The following PHKA1 variants were observed in gnomAD, a reference collection of about 807,000 sequenced individuals.
The protein encoded by PHKA1 is phosphorylase b kinase regulatory subunit alpha, skeletal muscle isoform.
Under a neutral mutation model 110.2 loss-of-function variants are expected in PHKA1, and 60 were observed. That is an observed-to-expected ratio of 0.54 (90% CI 0.44 to 0.68). The LOEUF is 0.68. Among genes scored for constraint, PHKA1 ranks in the 30% least tolerant of loss-of-function variants. The probability of loss-of-function intolerance (pLI) is 0.00; values close to 1 mark genes in which losing one functional copy is unlikely to be tolerated. For synonymous variants in PHKA1, 316 were observed against 333.6 expected (o/e 0.95, Z 0.58); for missense variants, 801 against 942.5 (o/e 0.85, Z 1.97).
Position 72,652,534 on chromosome X carries a change from T to C in PHKA1, c.1245+10A>G, listed in dbSNP as rs1234353904. 1 of 1,037,458 alleles carries C rather than the reference T, an allele frequency of 9.6e-7. No individual in the cohort carries two copies. 85.5% of individuals were successfully genotyped at this position (1,037,458 alleles called of 1,213,427 possible). A position where few individuals can be genotyped will look rare whatever the true frequency, so the allele number is the denominator to read the frequency against. On this transcript the variant is annotated intron_variant, in intron 12 of 31. Transcript: ENST00000373542. ...GAAAAAAGTGGGACAGCCTTGAAGA[T>C]TCCTCTTACCTCTGCCATCAAGCTT... is the stretch of plus-strand genomic sequence containing the variant.
At chrX:72,668,792 C>T (rs1556307497) in intron 6 of PHKA1, among the ~76,000 whole-genome samples, 1 of 111,547 alleles carries the variant, frequency 9.0e-6, no homozygotes, top group Non-Finnish European at 1.9e-5. Flanking sequence ...ACCCCATAGC[C>T]TCAAAGTCTT....
At position 72,698,673 on chromosome X, in the gene PHKA1, C is replaced by T. The variant is rs1268589512; in HGVS notation, c.286-2797G>A. On this transcript the variant is annotated intron_variant, in intron 3 of 31. Coordinates refer to ENST00000373542, the MANE Select transcript of PHKA1 (RefSeq NM_002637.4). ...TGCATCTTGAATTTAGTAATATTAC[C>T]GTAACTTCGAATCTTGTGGCTTTAG... Among the ~76,000 whole-genome samples, 6 of 112,382 alleles carry T rather than the reference C, an allele frequency of 5.3e-5. No individual in the cohort carries two copies. In the South Asian group the frequency reaches 1.8e-3, roughly 35 times the overall value.
chrX:72,632,384 G>A (rs2053177290), intron 16 of PHKA1, among the ~76,000 whole-genome samples: 1 of 111,481 alleles, frequency 9.0e-6, no homozygotes, highest in Non-Finnish European at 1.9e-5. Flanking sequence ...TCATGTTGGT[G>A]TACTATTTAT....
chrX:72,673,018 G>A (rs1485921889), intron 6 of PHKA1, among the ~76,000 whole-genome samples: 1 of 111,766 alleles, frequency 8.9e-6, no homozygotes, highest in Non-Finnish European at 1.9e-5. Flanking sequence ...TCAGACGGAA[G>A]AAGCCTAAAG....
At chrX:72,619,483 A>G (rs1556274508) in intron 19 of PHKA1, among the ~76,000 whole-genome samples, 178 bp from the exon 20 acceptor site, 1 of 112,225 alleles carries the variant, frequency 8.9e-6, no homozygotes, top group African/African-American at 3.2e-5. Flanking sequence ...TAATTTAAAT[A>G]ATGTGCAATT....
At position 72,712,913 on chromosome X, in the gene PHKA1, C is replaced by T. The variant is rs1304574929; in HGVS notation, c.103G>A (p.Ala35Thr). The T allele has an allele frequency of 8.3e-7, 1 of 1,211,603 alleles. No homozygotes were observed. The highest frequency in any genetic ancestry group is 1.1e-6 in the Non-Finnish European group (1 of 895,426). The stretch of plus-strand genomic sequence containing the variant: ...CAAGCATCTTTCTGATCATAGCTGG[C>T]TGGAAGCAAGCCAGTCACTGGATTC... The part of the protein sequence containing the change: ...HQNPVTGLLP[A>T]SYDQKDAWVR... The change falls in exon 2 of 32, where the codon GCC (alanine) becomes ACC (threonine). Residue 35 changes from alanine to threonine, a missense_variant. By Grantham distance (58) the Ala-to-Thr change is moderately conservative. Coordinates refer to ENST00000373542, the MANE Select transcript of PHKA1 (RefSeq NM_002637.4).
At chrX:72,653,905 C>A (rs1159398229) in intron 10 of PHKA1, among the ~76,000 whole-genome samples, 1 of 110,833 alleles carries the variant, frequency 9.0e-6, no homozygotes, top group Non-Finnish European at 1.9e-5. Context: ...TTAAGTATAG[C>A]TTCTAGATTT....
At chrX:72,691,487 A>C (rs782063499) in intron 4 of PHKA1, among the ~76,000 whole-genome samples, 2 of 112,389 alleles carry the variant, frequency 1.8e-5, no homozygotes, top group East Asian at 5.6e-4. Context: ...ATGTTGCCAC[A>C]TTAACAATAA....
chrX:72,606,391 T>C, intron 23 of PHKA1, among the ~76,000 whole-genome samples: 1 of 107,000 alleles, frequency 9.3e-6, no homozygotes, highest in African/African-American at 3.4e-5. Flanking sequence ...TATACACACA[T>C]CCTCACACAC....
At chrX:72,651,695 A>G (rs1193244821) in intron 12 of PHKA1, among the ~76,000 whole-genome samples, 2 of 111,925 alleles carry the variant, frequency 1.8e-5, no homozygotes, top group African/African-American at 6.5e-5. Flanking sequence ...CACTTTTGCT[A>G]GACTCATTTA....
intron 21 of PHKA1, among the ~76,000 whole-genome samples, chrX:72,614,362 T>C (rs1332662594): frequency 2.7e-5 from 3 of 111,841 alleles, no homozygotes; most frequent in African/African-American, 9.8e-5. Flanking sequence ...AGAATTTTTA[T>C]TGTACTATCC....
chrX:72,711,295 T>C (rs2054378679), intron 2 of PHKA1, among the ~76,000 whole-genome samples: 3 of 112,244 alleles, frequency 2.7e-5, no homozygotes, highest in African/African-American at 9.7e-5. Flanking sequence ...CTGATATTAA[T>C]TTCTAGTAAA....
chrX:72,604,363 A>G (rs1249614322), intron 25 of PHKA1, among the ~76,000 whole-genome samples: 1 of 111,427 alleles, frequency 9.0e-6, no homozygotes, highest in Admixed American at 9.6e-5. Flanking sequence ...TCTTGAAAGG[A>G]TTAAATGACA....
rs1156894616 is a variant in PHKA1 at position 72,663,320 on chromosome X, A to G, written c.864+2831T>C. ...GGAGGCAGATCTTTTGAAATAAACC[A>G]GGCATACAAAAAAAAAACGAATAAA... is the stretch of plus-strand genomic sequence containing the variant. On this transcript the variant is annotated intron_variant, in intron 8 of 31. Transcript: ENST00000373542. Among the ~76,000 whole-genome samples the G allele has an allele frequency of 3.8e-5, 4 of 104,511 alleles. No individual in the cohort carries two copies. The Admixed American group carries it at 4.4e-4, about 11-fold the overall frequency. The allele number at this position is 104,511 out of a possible 115,157, so 90.8% of individuals were successfully genotyped here.
In PHKA1 at chrX:72,680,255, C is replaced by A. The variant is rs782215055; in HGVS notation, c.538-4105G>T. Reference sequence around the variant, plus strand: ...TCTCAAACTCCCAACCTCAGGTGATCCACCCACCTCGGCCTCCCAAAGTGC... The same window carrying A: ...TCTCAAACTCCCAACCTCAGGTGATACACCCACCTCGGCCTCCCAAAGTGC... On this transcript the variant is annotated intron_variant, in intron 5 of 31. Transcript: ENST00000373542. Among the ~76,000 whole-genome samples, 279 of 111,825 alleles carry A rather than the reference C, an allele frequency of 2.5e-3. 1 individual carries two copies. Among genetic ancestry groups the A allele is most frequent in the Middle Eastern group, 4.6e-3 (1 of 219 alleles).
At chrX:72,638,119 T>C (rs368035114) in intron 14 of PHKA1, among the ~76,000 whole-genome samples, 2 of 111,933 alleles carry the variant, frequency 1.8e-5, no homozygotes, top group East Asian at 5.5e-4. Context: ...GTTTATTAGT[T>C]CTCACAGGTT....
chrX:72,671,794 C>T (rs1319005532), intron 6 of PHKA1, among the ~76,000 whole-genome samples: 2 of 110,701 alleles, frequency 1.8e-5, no homozygotes, highest in Non-Finnish European at 1.9e-5. Flanking sequence ...ATATCTACAA[C>T]TATCTGATCT....
intron 31 of PHKA1, among the ~76,000 whole-genome samples, chrX:72,581,731 T>A (rs1327821650): frequency 4.4e-5 from 5 of 112,375 alleles, no homozygotes; most frequent in Non-Finnish European, 9.4e-5. Context: ...AAGCCCTGGA[T>A]ATTTTTCTTT....
intron 3 of PHKA1, among the ~76,000 whole-genome samples, chrX:72,696,180 G>A (rs1007527209): frequency 1.2e-4 from 13 of 112,043 alleles, no homozygotes; most frequent in African/African-American, 4.2e-4. Flanking sequence ...ACTGCACATT[G>A]TAGATAAACT....
Sources: allele counts gnomAD v4.1 joint callset (sites outside exome capture counted in the v4.1 genomes callset), GRCh38; gene constraint gnomAD v4.1.1; transcripts MANE v1.5; gene names NCBI Gene and HGNC (gene_info 2026-07-23, HGNC 2026-07-21).